Variants in GSG1L observed in about 807,000 individuals in gnomAD.
GSG1L encodes germ cell-specific gene 1-like protein.
GSG1L carries 24 observed loss-of-function variants against 42.1 expected under a neutral mutation model. That is an observed-to-expected ratio of 0.57 (90% CI 0.41 to 0.80). The LOEUF is 0.80. GSG1L is among the 30% of genes least tolerant of loss of function. GSG1L has a pLI of 0.00. For synonymous variants in GSG1L, 215 were observed against 203.5 expected (o/e 1.06, Z -0.48); for missense variants, 445 against 472.2 (o/e 0.94, Z 0.53).
At chr16:28,013,206 C>T (rs1330054572) in intron 1 of GSG1L, among the ~76,000 whole-genome samples, 1 of 120,900 alleles carries the variant, frequency 8.3e-6, no homozygotes, top group African/African-American at 3.2e-5. Context: ...GCCACAAGAG[C>T]AAAACTCTGA....
In GSG1L at chr16:27,884,922, T is replaced by C. The variant is rs1423145488; in HGVS notation, c.398-284A>G. 6.6e-6 allele frequency among the ~76,000 whole-genome samples: 1 copy of C among 152,152 alleles called. No homozygotes were observed. Among genetic ancestry groups the C allele is most frequent in the Admixed American group, 6.5e-5 (1 of 15,272 alleles). On this transcript the variant is annotated intron_variant, in intron 2 of 6. Transcript: ENST00000447459. This position sits in a 1 kb window ranked among gnomAD's most constrained non-coding sequence, Gnocchi z 4.4. ...CTCCCTTTCTTTCTCATGGATTAGA[T>C]GATCACCACTGAGAGCCAGCTTGCC...
intron 2 of GSG1L, among the ~76,000 whole-genome samples, chr16:27,947,540 G>GGAAGGAAAGAAAGAAA (rs2084893079): frequency 1.0e-5 from 1 of 97,098 alleles, no homozygotes; most frequent in African/African-American, 5.3e-5. Context: ...AAAGAATGAA[G>GGAAGGAAAGAAAGAAA]GAAAGAAAGA....
chr16:27,804,590 G>A (rs919677276), intron 6 of GSG1L, among the ~76,000 whole-genome samples: 2 of 151,316 alleles, frequency 1.3e-5, no homozygotes, highest in African/African-American at 2.4e-5. Context: ...CAGGGCTGAC[G>A]TGCAGCAGAT....
At chr16:27,852,944 G>C (rs1214194950) in intron 3 of GSG1L, among the ~76,000 whole-genome samples, 1 of 152,092 alleles carries the variant, frequency 6.6e-6, no homozygotes, top group Admixed American at 6.6e-5. Flanking sequence ...CGCTGAGACC[G>C]CTTACTTCCC....
chr16:28,009,406 T>C lies in GSG1L; in HGVS notation c.350-46203A>G, dbSNP rs533542768. ...CCCTTACCCCAGACCCTGATGGATT[T>C]GTCTCAGTGACACTCAGCCTGCCTG... On this transcript the variant is annotated intron_variant, in intron 1 of 6. Transcript: ENST00000447459. 9.9e-5 allele frequency among the ~76,000 whole-genome samples: 15 copies of C among 152,256 alleles called. No individual in the cohort carries two copies. The South Asian group carries it at 3.1e-3, about 32-fold the overall frequency.
rs896675316 is a variant in GSG1L at position 27,979,332 on chromosome 16, G to A, written c.350-16129C>T. 7.2e-5 allele frequency among the ~76,000 whole-genome samples: 11 copies of A among 151,894 alleles called. No individual in the cohort carries two copies. In the East Asian group the frequency reaches 7.7e-4, roughly 11 times the overall value. The stretch of plus-strand genomic sequence containing the variant: ...TGTAATCCCAGCACTTTGGAAGGCC[G>A]AGACGGGTGGATCACCTGAGGTCAG... On this transcript the variant is annotated intron_variant, in intron 1 of 6. Transcript: ENST00000447459.
At chr16:27,913,989 T>C (rs201684731) in intron 2 of GSG1L, among the ~76,000 whole-genome samples, 8,472 of 114,474 alleles carry the variant, frequency 0.074, 390 homozygotes, top group Admixed American at 0.18. Flanking sequence ...TCCTTCCAGT[T>C]TTTTTTTTTT....
intron 2 of GSG1L, among the ~76,000 whole-genome samples, chr16:27,886,250 G>A (rs2084027766): frequency 6.6e-6 from 1 of 152,154 alleles, no homozygotes; most frequent in African/African-American, 2.4e-5. Context: ...GACCAGCCTG[G>A]CCAACATGGT....
At chr16:27,832,512 T>C (rs2140970031) in intron 4 of GSG1L, among the ~76,000 whole-genome samples, 1 of 152,356 alleles carries the variant, frequency 6.6e-6, no homozygotes, top group African/African-American at 2.4e-5. Context: ...AACATAATTA[T>C]CTGGAGCATC....
chr16:27,888,062 C>T (rs2084050438), intron 2 of GSG1L: 26 of 982,582 alleles, frequency 2.6e-5, no homozygotes, highest in Non-Finnish European at 3.1e-5. Context: ...GTCTTTACCT[C>T]GGAGATGCTG....
chr16:28,009,108 C>T (rs1417298762), intron 1 of GSG1L, among the ~76,000 whole-genome samples: 1 of 152,164 alleles, frequency 6.6e-6, no homozygotes. Flanking sequence ...GGTGCTTGGC[C>T]ACATCAGTAC....
chr16:27,947,581 GAAAGAAAGAAAGAAAGAAAA>G (rs1164343942), intron 2 of GSG1L, among the ~76,000 whole-genome samples: 10 of 103,996 alleles, frequency 9.6e-5, no homozygotes, highest in African/African-American at 3.6e-4. Flanking sequence ...AAGAAAGAAA[GAAAGAAAGAAAGAAAGAAAA>G]AGAAAGAAAG....
At chr16:27,921,670 C>T (rs910108836) in intron 2 of GSG1L, among the ~76,000 whole-genome samples, 1 of 152,208 alleles carries the variant, frequency 6.6e-6, no homozygotes, top group African/African-American at 2.4e-5. Context: ...GTTCTTATAA[C>T]CTGGCTTCCT....
At chr16:27,946,579 AAGAGAGAGAGAGAGAGAG>A (rs1166800286) in intron 2 of GSG1L, among the ~76,000 whole-genome samples, 12 of 37,036 alleles carry the variant, frequency 3.2e-4, no homozygotes, top group South Asian at 1.6e-3. Flanking sequence ...GAAAGAAAGA[AAGAGAGAGAGAGAGAGAG>A]AGAGAGAGAG....
At chr16:27,818,500 A>G (rs1046372239) in intron 5 of GSG1L, among the ~76,000 whole-genome samples, 1 of 152,084 alleles carries the variant, frequency 6.6e-6, no homozygotes, top group African/African-American at 2.4e-5. Flanking sequence ...GGACCCCAAC[A>G]CTGGGTGATG....
chr16:28,061,877 A>G (rs528211446), intron 1 of GSG1L, among the ~76,000 whole-genome samples: 19 of 152,198 alleles, frequency 1.2e-4, no homozygotes, highest in Non-Finnish European at 1.6e-4. Context: ...GGGGAAGGGC[A>G]TTCCAGACAG....
intron 1 of GSG1L, among the ~76,000 whole-genome samples, chr16:27,995,876 T>C (rs1452778463): frequency 5.3e-5 from 7 of 132,834 alleles, no homozygotes; most frequent in African/African-American, 1.4e-4. Flanking sequence ...GTTCCTGTAC[T>C]GATTAAAACA....
At chr16:27,890,344 T>A (rs1166084135) in intron 2 of GSG1L, among the ~76,000 whole-genome samples, 2 of 152,014 alleles carry the variant, frequency 1.3e-5, no homozygotes, top group African/African-American at 4.8e-5. Context: ...GGAAGCCAGG[T>A]TGGGGAAGCT....
At position 27,804,014 on chromosome 16, in the gene GSG1L, A is replaced by G. The variant is rs543927070; in HGVS notation, c.898+3473T>C. Among the ~76,000 whole-genome samples the G allele has an allele frequency of 2.0e-4, 29 of 147,936 alleles. No homozygotes were observed. In the South Asian group the frequency reaches 6.2e-3, roughly 32 times the overall value. ...TTGACAGATGAATAATAGATGGATGATGGATGAATAGATAGATTAGATGGA... is the reference window on the plus strand; with the variant it reads ...TTGACAGATGAATAATAGATGGATGGTGGATGAATAGATAGATTAGATGGA... On this transcript the variant is annotated intron_variant, in intron 6 of 6. Coordinates refer to ENST00000447459, the MANE Select transcript of GSG1L (RefSeq NM_001109763.2).
Sources: allele counts gnomAD v4.1 joint callset (sites outside exome capture counted in the v4.1 genomes callset), GRCh38; gene constraint gnomAD v4.1.1; non-coding constraint Gnocchi (gnomAD v3.1); transcripts MANE v1.5; gene names NCBI Gene and HGNC (gene_info 2026-07-23, HGNC 2026-07-21).